BANK1: variants seen among roughly 807,000 people sequenced by gnomAD.
BANK1 encodes the protein B-cell scaffold protein with ankyrin repeats.
BANK1 carries 95 observed loss-of-function variants against 94.5 expected under a neutral mutation model. The ratio of observed to expected loss-of-function variants is 1.00; its 90% CI spans 0.85 to 1.19. The LOEUF is 1.19. Ranked by LOEUF, BANK1 falls within the 50% of genes most tolerant of loss-of-function variation. The pLI is 0.00. For missense variants in BANK1, 987 were observed against 932.2 expected (o/e 1.06, Z -0.77); for synonymous variants, 334 against 308.4 (o/e 1.08, Z -0.87).
At chr4:101,870,946 C>A (rs1413612606) in intron 5 of BANK1, among the ~76,000 whole-genome samples, 1 of 151,978 alleles carries the variant, frequency 6.6e-6, no homozygotes, top group Non-Finnish European at 1.5e-5. Context: ...AGAAAGAACT[C>A]CTAAGAAATG....
chr4:101,977,691 A>T (rs1560662573), intron 7 of BANK1, among the ~76,000 whole-genome samples: 1 of 152,148 alleles, frequency 6.6e-6, no homozygotes, highest in Non-Finnish European at 1.5e-5. Flanking sequence ...GATTACATGA[A>T]TTACCATCCT....
intron 6 of BANK1, among the ~76,000 whole-genome samples, chr4:101,903,487 G>A (rs145644086): frequency 3.2e-4 from 48 of 152,306 alleles, no homozygotes; most frequent in African/African-American, 6.3e-4. Context: ...AGTCTACTAC[G>A]TCATGTTCTT....
rs1399814547 is a variant in BANK1 at position 101,911,464 on chromosome 4, T to A, written c.1010-6529T>A. ...TTCCTAGTATATGATTTCCTACATA[T>A]CAGCCATTTTGTCCTTATGGGTAAA... On this transcript the variant is annotated intron_variant, in intron 6 of 16. Coordinates refer to ENST00000322953, the MANE Select transcript of BANK1 (RefSeq NM_017935.5). Among the ~76,000 whole-genome samples, 8 of 152,318 alleles carry A rather than the reference T, an allele frequency of 5.3e-5. No individual in the cohort carries two copies. The South Asian group carries it at 8.3e-4, about 16-fold the overall frequency.
chr4:101,807,347 T>A (rs1725589631), intron 1 of BANK1, among the ~76,000 whole-genome samples: 3 of 152,020 alleles, frequency 2.0e-5, no homozygotes, highest in Admixed American at 6.6e-5. Flanking sequence ...AACATACAGA[T>A]TGAAAATAAA....
At chr4:102,061,927 T>G (rs1376039719) in intron 12 of BANK1, 1 of 152,164 alleles carries the variant, frequency 6.6e-6, no homozygotes, top group Non-Finnish European at 1.5e-5. Flanking sequence ...AGCAACAAAG[T>G]TTAATGACTT....
rs72686735 is a variant in BANK1 at position 101,856,743 on chromosome 4, A to G, written c.624+1554A>G. On this transcript the variant is annotated intron_variant, in intron 3 of 16. Transcript: ENST00000322953. The stretch of plus-strand genomic sequence containing the variant: ...TAAGGGTTTTTTCAATAGGAGAATC[A>G]TGGACTGTTTTTTATTGACATTGAT... Among the ~76,000 whole-genome samples the G allele has an allele frequency of 9.9e-3, 1,511 of 152,302 alleles. 9 individuals carry two copies. Among genetic ancestry groups the G allele is most frequent in the Non-Finnish European group, 0.016 (1,060 of 68,012 alleles).
intron 7 of BANK1, among the ~76,000 whole-genome samples, chr4:101,978,086 C>T (rs1393346842): frequency 6.6e-6 from 1 of 151,520 alleles, no homozygotes; most frequent in Non-Finnish European, 1.5e-5. Flanking sequence ...GCCTTAGCCT[C>T]CCGTGTAGCT....
intron 6 of BANK1, among the ~76,000 whole-genome samples, chr4:101,908,959 G>T (rs1301274270): frequency 6.6e-6 from 1 of 152,178 alleles, no homozygotes; most frequent in African/African-American, 2.4e-5. Context: ...ACTGTTGGTG[G>T]GACTGTAAAC....
intron 5 of BANK1, among the ~76,000 whole-genome samples, chr4:101,880,317 A>C (rs4463068): frequency 2.0e-5 from 3 of 151,684 alleles, no homozygotes; most frequent in African/African-American, 7.3e-5. Flanking sequence ...AACAAGAAAT[A>C]AAAAAAAGTC....
In BANK1 at chr4:102,072,577, G is replaced by GA. The variant is rs534049230; in HGVS notation, c.2298+185dup. 2.2e-3 allele frequency among the ~76,000 whole-genome samples: 333 copies of GA among 151,454 alleles called. 1 individual carries two copies. The highest frequency in any genetic ancestry group is 6.2e-3 in the African/African-American group (256 of 41,302). ...AGCATTTATTTAAGGAAATTATTTG[G>GA]AAAAAAAACAAAGAGGGAACTCAAA... On this transcript the variant is annotated intron_variant, in intron 15 of 16. Transcript: ENST00000322953.
At chr4:101,960,578 C>T (rs536760092) in intron 7 of BANK1, among the ~76,000 whole-genome samples, 30 of 152,000 alleles carry the variant, frequency 2.0e-4, no homozygotes, top group Admixed American at 1.6e-3. Flanking sequence ...AACTTAGTAG[C>T]GGGCAAGCAG....
rs548015938 is a variant in BANK1, at chr4:102,025,244, C to A, written c.1329C>A (p.Tyr443Ter). 1.4e-5 allele frequency: 22 copies of A among 1,613,906 alleles called. No individual in the cohort carries two copies. Among genetic ancestry groups the A allele is most frequent in the Non-Finnish European group, 1.9e-5 (22 of 1,180,002 alleles). Residue 443 changes from tyrosine to a stop codon, truncating the protein, a stop_gained, in exon 9 of 17, where the codon TAC becomes TAA. Coordinates refer to ENST00000322953, the MANE Select transcript of BANK1 (RefSeq NM_017935.5). LOFTEE classifies it high-confidence loss of function. ...TTCATCATGAAAGCAGGAAGACATA[C>A]GGGCAGAGTGCAGATGGAGCTGAGG... ...PAFHHESRKT[Y>*]GQSADGAEAN...
intron 7 of BANK1, among the ~76,000 whole-genome samples, chr4:102,005,194 T>C (rs1726214301): frequency 6.6e-6 from 1 of 152,208 alleles, no homozygotes; most frequent in South Asian, 2.1e-4. Flanking sequence ...TCAAGAATAT[T>C]TCTATTGAAG....
intron 1 of BANK1, among the ~76,000 whole-genome samples, chr4:101,827,709 T>C (rs1453944907): frequency 6.6e-6 from 1 of 151,964 alleles, no homozygotes; most frequent in Non-Finnish European, 1.5e-5. Context: ...ATTATTTAAA[T>C]TTTGATTACA....
intron 6 of BANK1, among the ~76,000 whole-genome samples, chr4:101,899,908 T>C (rs1342234408): frequency 6.6e-6 from 1 of 152,204 alleles, no homozygotes; most frequent in Non-Finnish European, 1.5e-5. Flanking sequence ...CTGCGAAGCA[T>C]AGGCAATGTG....
intron 2 of BANK1, among the ~76,000 whole-genome samples, chr4:101,854,030 A>G (rs1246650370): frequency 6.6e-6 from 1 of 152,178 alleles, no homozygotes; most frequent in East Asian, 1.9e-4. Context: ...GGTGCTCAGT[A>G]GAAAACCAGA....
At chr4:102,059,636 T>C (rs906707936) in intron 11 of BANK1, among the ~76,000 whole-genome samples, 1 of 152,206 alleles carries the variant, frequency 6.6e-6, no homozygotes, top group Non-Finnish European at 1.5e-5. Context: ...GAGCAAATAA[T>C]ACATAGCATG....
At chr4:102,041,907 G>A (rs1279701102) in intron 10 of BANK1, among the ~76,000 whole-genome samples, 1 of 151,986 alleles carries the variant, frequency 6.6e-6, no homozygotes, top group African/African-American at 2.4e-5. Context: ...GGTGTAAAGT[G>A]ATTTGTAACA....
chr4:102,007,845 T>G (rs1222438194), intron 7 of BANK1, among the ~76,000 whole-genome samples: 1 of 152,184 alleles, frequency 6.6e-6, no homozygotes, highest in Non-Finnish European at 1.5e-5. Context: ...AAATGATTAC[T>G]AAATTTTGTT....
Sources: allele counts gnomAD v4.1 joint callset (sites outside exome capture counted in the v4.1 genomes callset), GRCh38; gene constraint gnomAD v4.1.1; transcripts MANE v1.5; gene names NCBI Gene and HGNC (gene_info 2026-07-23, HGNC 2026-07-21).